Variants in ROCK1 observed in about 807,000 individuals in gnomAD.
The protein encoded by ROCK1 is rho-associated protein kinase 1.
Under a neutral mutation model 196.8 loss-of-function variants are expected in ROCK1, and 36 were observed. The observed-to-expected ratio is 0.18, with a 90% CI of 0.14 to 0.24. The LOEUF (loss-of-function observed/expected upper bound fraction) is 0.24, where lower values mean the gene tolerates loss of function less well. ROCK1 is among the 10% of genes least tolerant of loss of function. ROCK1 has a pLI of 1.00. For synonymous variants in ROCK1, 443 were observed against 515.9 expected, an observed-to-expected ratio of 0.86 and a Z score of 1.91; for missense variants, 920 against 1,562.0, an observed-to-expected ratio of 0.59 and a Z score of 6.93.
intron 1 of ROCK1, among the ~76,000 whole-genome samples, chr18:21,073,101 A>AC (rs1328611038): frequency 2.5e-5 from 2 of 81,478 alleles, no homozygotes; most frequent in East Asian, 7.7e-4. Flanking sequence ...AAAAAAAAAC[A>AC]AAAGTGGAGG....
intron 2 of ROCK1, among the ~76,000 whole-genome samples, chr18:21,054,364 T>A (rs1238867919): frequency 1.3e-5 from 2 of 152,188 alleles, no homozygotes; most frequent in African/African-American, 4.8e-5. Context: ...CATGCTTAGT[T>A]CATGAGCCAC....
intron 6 of ROCK1, among the ~76,000 whole-genome samples, chr18:21,043,541 ATGTTATTTATTATATG>A (rs2036126921): frequency 6.9e-6 from 1 of 144,508 alleles, no homozygotes; most frequent in African/African-American, 2.5e-5. Flanking sequence ...ATATTTATTT[ATGTTATTTATTATATG>A]TATATACATA....
At chr18:20,968,352 G>C (rs2035393951) in intron 25 of ROCK1, 1 of 171,564 alleles carries the variant, frequency 5.8e-6, no homozygotes, top group African/African-American at 2.4e-5. Flanking sequence ...TGTCGCCCAG[G>C]CTGGCATGCA....
intron 1 of ROCK1, among the ~76,000 whole-genome samples, chr18:21,089,755 T>C (rs2036555035): frequency 1.3e-5 from 2 of 152,182 alleles, no homozygotes; most frequent in African/African-American, 2.4e-5. Flanking sequence ...AAATATCTCA[T>C]GTAATTTATT....
intron 1 of ROCK1, among the ~76,000 whole-genome samples, chr18:21,106,280 A>T (rs1454645374): frequency 2.6e-5 from 4 of 152,198 alleles, no homozygotes; most frequent in Non-Finnish European, 4.4e-5. Context: ...AAACAAATGT[A>T]TCTATAACCC....
At chr18:21,052,814 T>C (rs2036214870) in intron 2 of ROCK1, among the ~76,000 whole-genome samples, 2 of 152,044 alleles carry the variant, frequency 1.3e-5, no homozygotes, top group South Asian at 2.1e-4. Context: ...CCCCATCCTG[T>C]CCATAGAAAC....
At chr18:21,043,608 T>C (rs1228503527) in intron 6 of ROCK1, among the ~76,000 whole-genome samples, 7 of 149,138 alleles carry the variant, frequency 4.7e-5, no homozygotes, top group Non-Finnish European at 1.0e-4. Flanking sequence ...AATATGTATA[T>C]ACATATACAG....
chr18:21,092,658 G>C (rs953730129), intron 1 of ROCK1, among the ~76,000 whole-genome samples: 1 of 146,888 alleles, frequency 6.8e-6, no homozygotes, highest in African/African-American at 2.6e-5. Flanking sequence ...TCTTCATATA[G>C]CCTGGCATTT....
At chr18:20,959,132 A>ATATAATATATAT (rs1568367511) in intron 29 of ROCK1, among the ~76,000 whole-genome samples, 4 of 52,136 alleles carry the variant, frequency 7.7e-5, no homozygotes, top group African/African-American at 5.8e-4. Flanking sequence ...TATATATATT[A>ATATAATATATAT]TATATATTAT....
At chr18:21,056,961 C>T (rs1193274275) in intron 2 of ROCK1, among the ~76,000 whole-genome samples, 5 of 152,186 alleles carry the variant, frequency 3.3e-5, no homozygotes, top group Non-Finnish European at 7.3e-5. Flanking sequence ...TCAAATGTCA[C>T]CTTTTAACAA....
chr18:21,052,849 T>C (rs2143522697), intron 2 of ROCK1, among the ~76,000 whole-genome samples: 1 of 152,256 alleles, frequency 6.6e-6, no homozygotes, highest in Non-Finnish European at 1.5e-5. Flanking sequence ...AACTGGTCCC[T>C]GGTGCCAAAA....
rs146707017 is a variant in ROCK1, at chr18:21,002,854, C to G, written c.1885+3497G>C. On this transcript the variant is annotated intron_variant, in intron 16 of 32. Coordinates refer to ENST00000399799, the MANE Select transcript of ROCK1 (RefSeq NM_005406.3). Reference sequence around the variant, plus strand: ...TCTCCTGGGCTCAAGCAATCCTCCACCTGAGCCTCCTAAGTAGCTAGGACT... The same window carrying G: ...TCTCCTGGGCTCAAGCAATCCTCCAGCTGAGCCTCCTAAGTAGCTAGGACT... Among the ~76,000 whole-genome samples, 1,061 of 152,174 alleles carry G rather than the reference C, an allele frequency of 7.0e-3. 12 individuals carry two copies. The highest frequency in any genetic ancestry group is 0.023 in the African/African-American group (954 of 41,508).
intron 18 of ROCK1, among the ~76,000 whole-genome samples, chr18:20,990,160 C>T (rs2035611193): frequency 6.6e-6 from 1 of 151,940 alleles, no homozygotes; most frequent in Non-Finnish European, 1.5e-5. Flanking sequence ...CACTCAACTG[C>T]CTGAAGAAAG....
chr18:20,979,886 T>C (rs1185161084), intron 22 of ROCK1, 24 bp downstream of exon 22: 1 of 1,517,756 alleles, frequency 6.6e-7, no homozygotes, highest in Non-Finnish European at 8.8e-7. Context: ...TACTGATTCT[T>C]GTTCTAAAGT....
chr18:21,012,104 C>T (rs751913385), intron 13 of ROCK1, among the ~76,000 whole-genome samples: 1 of 152,114 alleles, frequency 6.6e-6, no homozygotes, highest in Non-Finnish European at 1.5e-5. Context: ...CACGCTACCA[C>T]ACTTGGCTAA....
At chr18:21,052,673 G>T (rs2036213704) in intron 2 of ROCK1, among the ~76,000 whole-genome samples, 1 of 152,088 alleles carries the variant, frequency 6.6e-6, no homozygotes, top group Admixed American at 6.6e-5. Context: ...TCTCACAGGG[G>T]CACAAACCCT....
chr18:20,958,218 T>TA (rs2035265470), intron 29 of ROCK1, among the ~76,000 whole-genome samples: 1 of 152,094 alleles, frequency 6.6e-6, no homozygotes, highest in Admixed American at 6.5e-5. Flanking sequence ...AGCTGTTTAT[T>TA]AAAAAAACAG....
At chr18:21,045,507 T>C in intron 4 of ROCK1, 40 bp from the exon 5 acceptor site, 1 of 1,444,036 alleles carries the variant, frequency 6.9e-7, no homozygotes, top group South Asian at 1.4e-5. Flanking sequence ...CATTCATTAA[T>C]GTTAAACAAA....
chr18:21,074,954 C>T (rs563137745), intron 1 of ROCK1, among the ~76,000 whole-genome samples: 5 of 151,712 alleles, frequency 3.3e-5, no homozygotes, highest in South Asian at 2.1e-4. Flanking sequence ...TGAAAAGCAA[C>T]GAGAATTCAG....
Sources: allele counts gnomAD v4.1 joint callset (sites outside exome capture counted in the v4.1 genomes callset), GRCh38; gene constraint gnomAD v4.1.1; transcripts MANE v1.5; gene names NCBI Gene and HGNC (gene_info 2026-07-23, HGNC 2026-07-21).